The following LOC128462377 variants were observed in gnomAD, a reference collection of about 807,000 sequenced individuals.
the LOC128462377 span, among the ~76,000 whole-genome samples, chr16:89,386,970 G>T: frequency 6.6e-6 from 1 of 152,036 alleles, no homozygotes; most frequent in Admixed American, 6.5e-5. Flanking sequence ...GGGCAGGAGG[G>T]TGGCCCCACC....
chr16:89,389,368 A>AT, the LOC128462377 span, among the ~76,000 whole-genome samples: 13 of 152,280 alleles, frequency 8.5e-5, no homozygotes, highest in South Asian at 2.1e-3. Flanking sequence ...AATAAAAAGT[A>AT]TATTGAAAAA....
At chr16:89,332,152 AAG>A in the LOC128462377 span, among the ~76,000 whole-genome samples, 1 of 152,206 alleles carries the variant, frequency 6.6e-6, no homozygotes, top group Non-Finnish European at 1.5e-5. Context: ...ATAATCTTAA[AAG>A]ACACAATTCC....
At chr16:89,366,695 C>CG in the LOC128462377 span, among the ~76,000 whole-genome samples, 1 of 152,126 alleles carries the variant, frequency 6.6e-6, no homozygotes, top group Admixed American at 6.5e-5. Context: ...GACAGAGGTG[C>CG]GGCACAGTCA....
At chr16:89,331,496 T>G in the LOC128462377 span, among the ~76,000 whole-genome samples, 12 of 152,230 alleles carry the variant, frequency 7.9e-5, no homozygotes, top group African/African-American at 2.2e-4. Context: ...AGACCCTGTT[T>G]GGAAACCAGT....
the LOC128462377 span, among the ~76,000 whole-genome samples, chr16:89,382,624 A>G: frequency 1.3e-5 from 2 of 152,158 alleles, no homozygotes; most frequent in African/African-American, 4.8e-5. Context: ...GGCCTGAGCC[A>G]CCACACTTGG....
chr16:89,372,244 G>A, the LOC128462377 span, among the ~76,000 whole-genome samples: 7 of 152,214 alleles, frequency 4.6e-5, no homozygotes, highest in Non-Finnish European at 8.8e-5. Context: ...AGAGCCACAC[G>A]TCCTCCTGCA....
At chr16:89,383,105 T>TA in the LOC128462377 span, among the ~76,000 whole-genome samples, 34 of 152,354 alleles carry the variant, frequency 2.2e-4, 2 homozygotes, top group East Asian at 6.6e-3. Context: ...ATATAGGTTT[T>TA]AAAAGCTGGG....
chr16:89,416,231 G>A, the LOC128462377 span, among the ~76,000 whole-genome samples: 2 of 152,070 alleles, frequency 1.3e-5, no homozygotes, highest in African/African-American at 4.8e-5. Flanking sequence ...GCCAATTCCA[G>A]GTCCTGTCAG....
chr16:89,338,143 C>T, the LOC128462377 span, among the ~76,000 whole-genome samples: 2 of 152,196 alleles, frequency 1.3e-5, no homozygotes, highest in African/African-American at 4.8e-5. Flanking sequence ...CAGGACACTG[C>T]CCCAAGCACC....
the LOC128462377 span, among the ~76,000 whole-genome samples, chr16:89,371,349 T>A: frequency 6.6e-6 from 1 of 152,200 alleles, no homozygotes; most frequent in Non-Finnish European, 1.5e-5. Context: ...GCACCGCCAG[T>A]GTCCATTCTA....
chr16:89,384,437 A>G, the LOC128462377 span, among the ~76,000 whole-genome samples: 5 of 152,226 alleles, frequency 3.3e-5, no homozygotes, highest in African/African-American at 1.2e-4. Flanking sequence ...GGGCTGAGGC[A>G]GAGCAGAACG....
At chr16:89,391,209 C>T in the LOC128462377 span, among the ~76,000 whole-genome samples, 3,552 of 133,532 alleles carry the variant, frequency 0.027, 154 homozygotes, top group African/African-American at 0.096. Flanking sequence ...GCCTGGGCGA[C>T]AGAGCGAGAC....
the LOC128462377 span, among the ~76,000 whole-genome samples, chr16:89,372,047 C>T: frequency 9.2e-5 from 14 of 152,342 alleles, no homozygotes; most frequent in African/African-American, 2.2e-4. Context: ...AGCACTCACA[C>T]TGAAACCAGT....
the LOC128462377 span, among the ~76,000 whole-genome samples, chr16:89,350,426 A>C: frequency 2.0e-5 from 3 of 152,190 alleles, no homozygotes; most frequent in Non-Finnish European, 2.9e-5. Context: ...ACATGTCTAT[A>C]ACTGCTTATT....
At chr16:89,371,818 T>C in the LOC128462377 span, among the ~76,000 whole-genome samples, 1 of 152,078 alleles carries the variant, frequency 6.6e-6, no homozygotes, top group Admixed American at 6.5e-5. Context: ...GCCAGCAATG[T>C]CCATCATGTT....
the LOC128462377 span, among the ~76,000 whole-genome samples, chr16:89,395,194 C>T: frequency 6.6e-6 from 1 of 152,210 alleles, no homozygotes; most frequent in African/African-American, 2.4e-5. Flanking sequence ...GAGGCTTGGT[C>T]AATTTTAAGG....
chr16:89,381,641 C>A, the LOC128462377 span, among the ~76,000 whole-genome samples: 1 of 152,208 alleles, frequency 6.6e-6, no homozygotes, highest in Non-Finnish European at 1.5e-5. Flanking sequence ...CCCCAACATG[C>A]CTGTCACAAA....
At chr16:89,330,661 G>T in the LOC128462377 span, among the ~76,000 whole-genome samples, 7 of 13,052 alleles carry the variant, frequency 5.4e-4, no homozygotes, top group Non-Finnish European at 2.9e-3. Context: ...AGTGACTGGG[G>T]GGGGGGGGGG....
the LOC128462377 span, chr16:89,361,777 G>A: frequency 1.3e-5 from 2 of 152,282 alleles, no homozygotes; most frequent in African/African-American, 4.8e-5. Context: ...AGGACTAAGG[G>A]AGAAGTACAA....
Sources: allele counts gnomAD v4.1 joint callset (sites outside exome capture counted in the v4.1 genomes callset), GRCh38; gene constraint gnomAD v4.1.1; transcripts MANE v1.5.